ARMH4: variants seen among roughly 807,000 people sequenced by gnomAD.
ARMH4 encodes armadillo-like helical domain-containing protein 4.
In ARMH4, 49 loss-of-function variants were observed where a neutral mutation model predicts 61.9. The observed-to-expected ratio is 0.79, with a 90% CI of 0.63 to 1.00. ARMH4 has a LOEUF of 1.00. ARMH4 is among the 50% of genes least tolerant of loss of function. ARMH4 has a pLI of 0.00. For missense variants in ARMH4, 934 were observed against 930.0 expected (o/e 1.00, Z -0.06); for synonymous variants, 368 against 341.5 (o/e 1.08, Z -0.85).
chr14:58,114,950 AT>A (rs1398433819), intron 4 of ARMH4, among the ~76,000 whole-genome samples: 1 of 152,226 alleles, frequency 6.6e-6, no homozygotes, highest in Non-Finnish European at 1.5e-5. Flanking sequence ...CTCAAGATGG[AT>A]TAAAGACTTA....
chr14:58,107,014 A>G (rs1397270126), intron 4 of ARMH4, among the ~76,000 whole-genome samples: 1 of 152,192 alleles, frequency 6.6e-6, no homozygotes, highest in Admixed American at 6.5e-5. Context: ...AATATATGGG[A>G]GAAATTTTGC....
At chr14:58,075,200 T>C (rs371355385) in intron 5 of ARMH4, among the ~76,000 whole-genome samples, 22 of 152,326 alleles carry the variant, frequency 1.4e-4, no homozygotes, top group African/African-American at 5.3e-4. Context: ...AGTGTGGTGA[T>C]TCCTCAAGGA....
At chr14:58,083,290 T>G (rs537374825) in intron 5 of ARMH4, among the ~76,000 whole-genome samples, 119 of 152,188 alleles carry the variant, frequency 7.8e-4, no homozygotes, top group Non-Finnish European at 1.5e-3. Flanking sequence ...GGAAAGATAT[T>G]AAGTATCAGC....
At chr14:58,043,462 A>C (rs998519806) in intron 5 of ARMH4, among the ~76,000 whole-genome samples, 1 of 152,238 alleles carries the variant, frequency 6.6e-6, no homozygotes, top group South Asian at 2.1e-4. Flanking sequence ...TCTCAAAATA[A>C]TAAGAGCTAT....
Position 58,012,210 on chromosome 14 carries a change from T to C in ARMH4, c.2090-60A>G. The C allele has an allele frequency of 3.0e-6, 3 of 1,002,048 alleles. No homozygotes were observed. The South Asian group carries it at 4.7e-5, about 16-fold the overall frequency. The allele number at this position is 1,002,048 out of a possible 1,614,324, so 62.1% of individuals were successfully genotyped here. A position where few individuals can be genotyped will look rare whatever the true frequency, so the allele number is the denominator to read the frequency against. ...CATCTTTTACTTATAATTCATGGCA[T>C]TAAGTTAATTTGACAAATTAAAGAG... On this transcript the variant is annotated intron_variant, in intron 5 of 7. Coordinates refer to ENST00000267485, the MANE Select transcript of ARMH4 (RefSeq NM_001001872.4).
chr14:58,047,327 T>C (rs1883976666), intron 5 of ARMH4, among the ~76,000 whole-genome samples: 2 of 152,246 alleles, frequency 1.3e-5, no homozygotes, highest in Non-Finnish European at 2.9e-5. Flanking sequence ...CCCCCTCTGA[T>C]AAGCATTGAT....
In ARMH4 at chr14:58,129,815, C is replaced by T. The variant is rs193274821; in HGVS notation, c.1831+1697G>A. The stretch of plus-strand genomic sequence containing the variant: ...ATGTGCTAATTCAAAATCCTAAGCC[C>T]GACAATGTAGCAAAAATAATATCTT... On this transcript the variant is annotated intron_variant, in intron 4 of 7. Coordinates refer to ENST00000267485, the MANE Select transcript of ARMH4 (RefSeq NM_001001872.4). Among the ~76,000 whole-genome samples the T allele has an allele frequency of 1.9e-3, 294 of 152,136 alleles. 2 individuals carry two copies. Among genetic ancestry groups the T allele is most frequent in the African/African-American group, 6.3e-3 (260 of 41,512 alleles).
At chr14:58,135,947 C>CA (rs915703631) in intron 2 of ARMH4, among the ~76,000 whole-genome samples, 62 of 144,820 alleles carry the variant, frequency 4.3e-4, no homozygotes, top group Non-Finnish European at 5.5e-4. Context: ...CTCTATGGGA[C>CA]AAAAAAAAAA....
At chr14:58,051,248 T>G (rs980487217) in intron 5 of ARMH4, among the ~76,000 whole-genome samples, 1 of 152,108 alleles carries the variant, frequency 6.6e-6, no homozygotes, top group East Asian at 1.9e-4. Flanking sequence ...ATTAACCACA[T>G]CAATTTCTAG....
rs562824815 is a variant in ARMH4, at chr14:58,013,468, G to A, written c.2090-1318C>T. Among the ~76,000 whole-genome samples, 27 of 152,236 alleles carry A rather than the reference G, an allele frequency of 1.8e-4. 2 individuals are homozygous for A. In the South Asian group the frequency reaches 4.8e-3, roughly 27 times the overall value. ...TGCAGCAGGCTACATATGGGCCATG[G>A]ACTACAGTTTGCTGGCCCCTGGCAT... On this transcript the variant is annotated intron_variant, in intron 5 of 7. Transcript: ENST00000267485.
intron 4 of ARMH4, 196 bp downstream of exon 4, chr14:58,131,316 C>T: frequency 4.2e-6 from 2 of 479,266 alleles, no homozygotes; most frequent in East Asian, 3.2e-5. Context: ...TCAATCATTT[C>T]AAAATGTAAA....
intron 4 of ARMH4, among the ~76,000 whole-genome samples, chr14:58,102,652 A>C (rs1886031016): frequency 6.7e-6 from 1 of 149,814 alleles, no homozygotes; most frequent in African/African-American, 2.5e-5. Flanking sequence ...TCTACTAAAA[A>C]TACAAAAAAT....
chr14:58,030,100 C>T (rs1434123316), intron 5 of ARMH4, among the ~76,000 whole-genome samples: 1 of 152,108 alleles, frequency 6.6e-6, no homozygotes, highest in Non-Finnish European at 1.5e-5. Flanking sequence ...TGAATGAAGA[C>T]ACTAAGGGAA....
intron 5 of ARMH4, among the ~76,000 whole-genome samples, chr14:58,029,651 A>G (rs1463944685): frequency 6.6e-6 from 1 of 152,174 alleles, no homozygotes; most frequent in Non-Finnish European, 1.5e-5. Flanking sequence ...AACCACAGTG[A>G]GGTAGTACTT....
At chr14:58,083,818 T>C (rs1885302177) in intron 5 of ARMH4, among the ~76,000 whole-genome samples, 1 of 152,218 alleles carries the variant, frequency 6.6e-6, no homozygotes, top group Non-Finnish European at 1.5e-5. Flanking sequence ...GTAAATTCAT[T>C]TCAACAATTT....
chr14:58,028,902 T>C (rs898527774), intron 5 of ARMH4, among the ~76,000 whole-genome samples: 1 of 152,200 alleles, frequency 6.6e-6, no homozygotes, highest in African/African-American at 2.4e-5. Flanking sequence ...GTGTTTTTGG[T>C]TTTTAATTTA....
chr14:58,044,095 A>C (rs1883833375), intron 5 of ARMH4, among the ~76,000 whole-genome samples: 1 of 152,206 alleles, frequency 6.6e-6, no homozygotes, highest in South Asian at 2.1e-4. Flanking sequence ...GACTTTCTTC[A>C]CAGAATTGGA....
chr14:58,069,465 A>T lies in ARMH4; in HGVS notation c.2089+27259T>A, dbSNP rs536784513. 7.9e-5 allele frequency among the ~76,000 whole-genome samples: 12 copies of T among 152,350 alleles called. No individual in the cohort carries two copies. The East Asian group carries it at 2.3e-3, about 29-fold the overall frequency. ...AGTATAAACAAGGAAGTAATAGATT[A>T]ATGAGAATTCTCCCAAATAAGATGA... is the stretch of plus-strand genomic sequence containing the variant. On this transcript the variant is annotated intron_variant, in intron 5 of 7. Coordinates refer to ENST00000267485, the MANE Select transcript of ARMH4 (RefSeq NM_001001872.4).
chr14:58,090,898 A>C (rs1254746489), intron 5 of ARMH4, among the ~76,000 whole-genome samples: 1 of 149,654 alleles, frequency 6.7e-6, no homozygotes, highest in African/African-American at 2.5e-5. Context: ...AAAAAAAAGA[A>C]AGAAAAGAAA....
Sources: gnomAD v4.1 joint callset for allele counts (sites outside exome capture counted in the v4.1 genomes callset) on GRCh38, gnomAD v4.1.1 for gene constraint, MANE v1.5 for transcripts, NCBI Gene and HGNC (gene_info 2026-07-23, HGNC 2026-07-21) for gene names.